The following SLC35C1 variants were observed in gnomAD, a reference collection of about 807,000 sequenced individuals.
SLC35C1 encodes solute carrier family 35 member C1.
SLC35C1 carries 8 observed loss-of-function variants against 23.2 expected under a neutral mutation model. That is an observed-to-expected ratio of 0.35 (90% CI 0.20 to 0.62). The LOEUF (loss-of-function observed/expected upper bound fraction) is 0.62. Ranked by LOEUF, SLC35C1 falls within the 20% of genes least tolerant of loss-of-function variation. The pLI is 0.75. For synonymous variants in SLC35C1, 226 were observed against 225.1 expected, an observed-to-expected ratio of 1.00 and a Z score of -0.04; for missense variants, 422 against 478.6, an observed-to-expected ratio of 0.88 and a Z score of 1.10.
chr11:45,807,095 T>C (rs2134592074), intron 1 of SLC35C1, among the ~76,000 whole-genome samples: 2 of 152,326 alleles, frequency 1.3e-5, no homozygotes, highest in South Asian at 4.1e-4. Flanking sequence ...GTCATCTCTA[T>C]ACAAACAAGG....
In SLC35C1 at chr11:45,805,585, C is replaced by A; in HGVS notation, c.-217C>A. 3 of 1,454,594 alleles carry A rather than the reference C, an allele frequency of 2.1e-6. No individual in the cohort carries two copies. Among genetic ancestry groups the A allele is most frequent in the Non-Finnish European group, 2.7e-6 (3 of 1,104,548 alleles). The allele number at this position is 1,454,594 out of a possible 1,614,324, so 90.1% of individuals were successfully genotyped here. A position where few individuals can be genotyped will look rare whatever the true frequency, so the allele number is the denominator to read the frequency against. ...CCTTGCCCTGTGTCTTGTCTCAGAG[C>A]CCCCTCGGGGTGGGAGTAGGTTGTG... On this transcript the variant is annotated 5_prime_UTR_variant, in exon 1 of 2. Coordinates refer to ENST00000314134, the MANE Select transcript of SLC35C1 (RefSeq NM_018389.5).
intron 1 of SLC35C1, 83 bp from the exon 2 acceptor site, chr11:45,810,693 T>C: frequency 6.6e-7 from 1 of 1,523,426 alleles, no homozygotes; most frequent in African/African-American, 1.4e-5. Context: ...CTGTGAAATT[T>C]GGTGTCTGAT....
chr11:45,810,713 T>C, intron 1 of SLC35C1, 63 bp from the exon 2 acceptor site: 1 of 1,539,624 alleles, frequency 6.5e-7, no homozygotes, highest in Non-Finnish European at 8.6e-7. Flanking sequence ...TCCTCTGTCC[T>C]TCTTCCTCCT....
Position 45,805,813 on chromosome 11 carries a change from C to A in SLC35C1, c.12C>A (p.Ala4=). The part of the protein sequence containing the change: MNR[A]PLKRSRILHM... ...GCTCCTCTGCTACCATGAATAGGGC[C>A]CCTCTGAAGCGGTCCAGGATCCTGC... Residue 4 remains alanine, a synonymous_variant, in exon 1 of 2, where the codon GCC becomes GCA. Coordinates refer to ENST00000314134, the MANE Select transcript of SLC35C1 (RefSeq NM_018389.5). 1 of 1,613,630 alleles carries A rather than the reference C, an allele frequency of 6.2e-7. No individual in the cohort carries two copies. The highest frequency in any genetic ancestry group is 8.5e-7 in the Non-Finnish European group (1 of 1,180,010).
Position 45,806,070 on chromosome 11 carries a change from G to A in SLC35C1, c.269G>A (p.Gly90Asp). The A allele has an allele frequency of 6.2e-7, 1 of 1,612,684 alleles. No individual in the cohort carries two copies. The highest frequency in any genetic ancestry group is 8.5e-7 in the Non-Finnish European group (1 of 1,179,938). Residue 90 changes from glycine to aspartate, a missense_variant, in exon 1 of 2, where the codon GGC becomes GAC. Coordinates refer to ENST00000314134, the MANE Select transcript of SLC35C1 (RefSeq NM_018389.5). ...QCLVTTLLCK[G>D]LSALAACCPG... ...CTGGTGACCACGCTGCTGTGCAAAG[G>A]CCTCAGCGCTCTGGCCGCCTGCTGC... is the stretch of plus-strand genomic sequence containing the variant.
In SLC35C1 at chr11:45,811,228, G is replaced by T; in HGVS notation, c.988G>T (p.Val330Leu). 6.2e-7 allele frequency: 1 copy of T among 1,606,458 alleles called. No homozygotes were observed. The change falls in exon 2 of 2, where the codon GTG becomes TTG. Residue 330 changes from valine to leucine, a missense_variant. Coordinates refer to ENST00000314134, the MANE Select transcript of SLC35C1 (RefSeq NM_018389.5). ...SFLWWTSNMM[V>L]LGGSSAYTWV... ...CCTCTGGTGGACGAGCAACATGATG[G>T]TGCTGGGCGGCTCCTCCGCCTACAC... is the stretch of plus-strand genomic sequence containing the variant.
chr11:45,808,920 T>A (rs910757058), intron 1 of SLC35C1, among the ~76,000 whole-genome samples: 2 of 152,140 alleles, frequency 1.3e-5, no homozygotes, highest in Non-Finnish European at 2.9e-5. Context: ...CGAGAATCGC[T>A]TGAACCCAGG....
At chr11:45,804,426 C>A, upstream of SLC35C1, 2 of 944,896 alleles carry the variant, frequency 2.1e-6, no homozygotes, top group Non-Finnish European at 2.5e-6. Flanking sequence ...AGGAGGTGAG[C>A]GCCAGGTCGC....
chr11:45,804,811 G>A (rs937002409), upstream of SLC35C1: 7 of 985,640 alleles, frequency 7.1e-6, no homozygotes, highest in African/African-American at 7.0e-5. Flanking sequence ...AGCGCCGCCC[G>A]GGTCCTGGGT....
Position 45,806,355 on chromosome 11 carries a change from C to T in SLC35C1, c.535+19C>T. ...ATCATCGGTGAGTGGCAGCTGGGGC[C>T]ACGGGGGATAGAGTGGTCATGGGGA... On this transcript the variant is annotated intron_variant, in intron 1 of 1. Coordinates refer to ENST00000314134, the MANE Select transcript of SLC35C1 (RefSeq NM_018389.5). 1.9e-6 allele frequency: 3 copies of T among 1,610,976 alleles called. No homozygotes were observed. Among genetic ancestry groups the T allele is most frequent in the Non-Finnish European group, 1.7e-6 (2 of 1,179,738 alleles).
At chr11:45,804,789 C>T (rs544768322), upstream of SLC35C1, 339 of 985,948 alleles carry the variant, frequency 3.4e-4, no homozygotes, top group African/African-American at 5.6e-3. Flanking sequence ...GTGGAGGGGT[C>T]CAGGCTGATG....
chr11:45,807,644 C>T (rs2085891512), intron 1 of SLC35C1, among the ~76,000 whole-genome samples: 1 of 152,192 alleles, frequency 6.6e-6, no homozygotes, highest in African/African-American at 2.4e-5. Context: ...GGGAAGGGAC[C>T]CATCCCATGC....
chr11:45,804,694 G>C, upstream of SLC35C1: 1 of 985,522 alleles, frequency 1.0e-6, no homozygotes, highest in Non-Finnish European at 1.2e-6. Context: ...GAAAATGGGG[G>C]GAAAGGAGGG....
Position 45,811,579 on chromosome 11 carries a change from G to A in SLC35C1, c.*244G>A, listed in dbSNP as rs886048316. The stretch of plus-strand genomic sequence containing the variant: ...TTGCCAAACCCTTCTCTATCCTCTC[G>A]TATTTCTGAGTTTTTGTCCTTCCCG... On this transcript the variant is annotated 3_prime_UTR_variant, in exon 2 of 2. Coordinates refer to ENST00000314134, the MANE Select transcript of SLC35C1 (RefSeq NM_018389.5). The A allele has an allele frequency of 1.8e-5, 8 of 441,364 alleles. No individual in the cohort carries two copies. Among genetic ancestry groups the A allele is most frequent in the African/African-American group, 9.9e-5 (5 of 50,696 alleles). The allele number at this position is 441,364 out of a possible 1,614,324, so 27.3% of individuals were successfully genotyped here. A position where few individuals can be genotyped will look rare whatever the true frequency, so the allele number is the denominator to read the frequency against.
intron 1 of SLC35C1, chr11:45,810,247 C>G (rs1385119586): frequency 2.0e-6 from 2 of 985,316 alleles, no homozygotes; most frequent in Non-Finnish European, 2.4e-6. Flanking sequence ...GAGATTCTAA[C>G]TTAATGTGCC....
upstream of SLC35C1, chr11:45,804,667 G>A (rs2085847570): frequency 1.3e-5 from 13 of 985,814 alleles, no homozygotes; most frequent in Middle Eastern, 5.2e-4. Flanking sequence ...GGGCTTGGGA[G>A]AGGGCCTGGG....
rs2085854071 is a variant in SLC35C1 at position 45,805,151 on chromosome 11, C to T, written c.-651C>T. On this transcript the variant is annotated 5_prime_UTR_variant, in exon 1 of 2. Transcript: ENST00000314134. The stretch of plus-strand genomic sequence containing the variant: ...GGCCCGCCTCCCGGGGAGTCGGCCT[C>T]GGATGTCCGGAGGCTCCTGGGCTGA... 7.1e-6 allele frequency: 7 copies of T among 986,468 alleles called. No homozygotes were observed. Among genetic ancestry groups the T allele is most frequent in the Non-Finnish European group, 8.4e-6 (7 of 830,608 alleles). 61.1% of individuals were successfully genotyped at this position (986,468 alleles called of 1,614,324 possible). A position where few individuals can be genotyped will look rare whatever the true frequency, so the allele number is the denominator to read the frequency against.
In SLC35C1 at chr11:45,811,393, A is replaced by G. The variant is rs1012629508; in HGVS notation, c.*58A>G. 21 of 1,387,956 alleles carry G rather than the reference A, an allele frequency of 1.5e-5. No individual in the cohort carries two copies. Among genetic ancestry groups the G allele is most frequent in the Non-Finnish European group, 1.7e-5 (18 of 1,055,514 alleles). 86.0% of individuals were successfully genotyped at this position (1,387,956 alleles called of 1,614,324 possible). A position where few individuals can be genotyped will look rare whatever the true frequency, so the allele number is the denominator to read the frequency against. ...GGGCCCGTACACAGGCGGGGCCAGC[A>G]CAGTAGTGAAGGCGGTCTCCTGGAC... On this transcript the variant is annotated 3_prime_UTR_variant, in exon 2 of 2. Coordinates refer to ENST00000314134, the MANE Select transcript of SLC35C1 (RefSeq NM_018389.5).
rs886048319 is a variant in SLC35C1, at chr11:45,812,491, C to T, written c.*1156C>T. The T allele has an allele frequency of 6.8e-5, 31 of 454,198 alleles. No individual in the cohort carries two copies. The highest frequency in any genetic ancestry group is 4.0e-5 in the African/African-American group (2 of 50,014). The allele number at this position is 454,198 out of a possible 1,614,324, so 28.1% of individuals were successfully genotyped here. A position where few individuals can be genotyped will look rare whatever the true frequency, so the allele number is the denominator to read the frequency against. ...TGCTCACAGTCCTGGGGGGCTGGGA[C>T]GCCCAAGATCAAGAGGCCAGCAGAT... On this transcript the variant is annotated 3_prime_UTR_variant, in exon 2 of 2. Transcript: ENST00000314134.
Sources: gnomAD v4.1 joint callset for allele counts (sites outside exome capture counted in the v4.1 genomes callset) on GRCh38, gnomAD v4.1.1 for gene constraint, MANE v1.5 for transcripts, NCBI Gene and HGNC (gene_info 2026-07-23, HGNC 2026-07-21) for gene names.